Variants in CSF1R observed in about 807,000 individuals in gnomAD.
CSF1R encodes the protein colony stimulating factor 1 receptor.
In CSF1R, 40 loss-of-function variants were observed where a neutral mutation model predicts 110.0. The ratio of observed to expected loss-of-function variants is 0.36; its 90% CI spans 0.28 to 0.47. The LOEUF is 0.47. Among genes scored for constraint, CSF1R ranks in the 20% least tolerant of loss-of-function variants. CSF1R has a pLI of 0.99. For synonymous variants in CSF1R, 523 were observed against 503.4 expected (o/e 1.04, Z -0.52); for missense variants, 1,052 against 1,253.0 (o/e 0.84, Z 2.42).
chr5:150,059,634 T>C, intron 14 of CSF1R, 66 bp downstream of exon 14: 19 of 1,582,916 alleles, frequency 1.2e-5, no homozygotes, highest in Non-Finnish European at 1.6e-5. Context: ...CTGAGCTGGC[T>C]TTGAAGACAG....
At chr5:150,088,325 T>C (rs1345896000), upstream of CSF1R, among the ~76,000 whole-genome samples, 1 of 152,186 alleles carries the variant, frequency 6.6e-6, no homozygotes, top group Admixed American at 6.5e-5. Context: ...CAGGACCAGA[T>C]GGCTTCACTG....
intron 10 of CSF1R, among the ~76,000 whole-genome samples, chr5:150,063,321 C>T (rs1757616674): frequency 6.6e-6 from 1 of 151,804 alleles, no homozygotes; most frequent in East Asian, 1.9e-4. Flanking sequence ...AGTGAGAGAC[C>T]CTGAGAGTTT....
Position 150,053,876 on chromosome 5 carries a change from T to C in CSF1R, c.*193A>G. On this transcript the variant is annotated 3_prime_UTR_variant, in exon 21 of 21. Transcript: ENST00000675795. ...TCAGCCCCCAGCCCCTGACTGGCAG[T>C]GATGGCCCATGCTCAGGAAGTGGGA... The C allele has an allele frequency of 1.6e-6, 1 of 623,580 alleles. No homozygotes were observed. The highest frequency in any genetic ancestry group is 2.8e-5 in the East Asian group (1 of 36,070). The allele number at this position is 623,580 out of a possible 1,614,324, so 38.6% of individuals were successfully genotyped here.
At chr5:150,111,379 T>G (rs966698043) in intron 1 of CSF1R, among the ~76,000 whole-genome samples, 1 of 152,200 alleles carries the variant, frequency 6.6e-6, no homozygotes, top group African/African-American at 2.4e-5. Flanking sequence ...GGGGAGAGAC[T>G]GGGAGGCAGG....
At chr5:150,078,014 A>T in intron 4 of CSF1R, 98 bp downstream of exon 4, 1 of 1,520,154 alleles carries the variant, frequency 6.6e-7, no homozygotes. Context: ...TTCAGCTAAG[A>T]CAGCCAGTTT....
intron 12 of CSF1R, 104 bp downstream of exon 12, chr5:150,061,387 T>G (rs1216314594): frequency 9.7e-7 from 1 of 1,029,500 alleles, no homozygotes; most frequent in Non-Finnish European, 1.4e-6. Flanking sequence ...CCCCCAGGCT[T>G]CAACAGGTTG....
chr5:150,064,432 G>T (rs1048705295), intron 10 of CSF1R, among the ~76,000 whole-genome samples: 1 of 152,190 alleles, frequency 6.6e-6, no homozygotes, highest in Non-Finnish European at 1.5e-5. Context: ...GCTCTGATTC[G>T]GAAGGGCGGA....
In CSF1R at chr5:150,054,467, C is replaced by G. The variant is rs771494804; in HGVS notation, c.2655-37G>C. On this transcript the variant is annotated intron_variant, in intron 19 of 20. Coordinates refer to ENST00000675795, the MANE Select transcript of CSF1R (RefSeq NM_001288705.3). ...GACAGAGGATGCCCATGGGCAGCTC[C>G]CTAGGGTCCAGGGGCCATTAACACA... is the stretch of plus-strand genomic sequence containing the variant. 3 of 1,568,546 alleles carry G rather than the reference C, an allele frequency of 1.9e-6. No individual in the cohort carries two copies. The Admixed American group carries it at 5.2e-5, about 27-fold the overall frequency.
chr5:150,070,725 G>A (rs1047576764), intron 6 of CSF1R, among the ~76,000 whole-genome samples, 154 bp from the exon 7 acceptor site: 2 of 152,204 alleles, frequency 1.3e-5, no homozygotes, highest in African/African-American at 4.8e-5. Flanking sequence ...CTCAGACAGG[G>A]TGCCATTGAG....
rs536423346 is a variant in CSF1R, at chr5:150,080,876, G to A, written c.198C>T (p.Ser66=). 4 of 1,614,172 alleles carry A rather than the reference G, an allele frequency of 2.5e-6. No individual in the cohort carries two copies. Among genetic ancestry groups the A allele is most frequent in the Non-Finnish European group, 3.4e-6 (4 of 1,180,022 alleles). ...PHWTLYSDGS[S]SILSTNNATF... ...TAGCGTTGTTGGTGCTGAGGATGCT[G>A]CTGGAGCCATCAGAGTACAGGGTCC... The change falls in exon 2 of 21, where the codon AGC becomes AGT. Residue 66 remains serine (S), a synonymous_variant. Transcript: ENST00000675795.
Position 150,100,241 on chromosome 5 carries a change from A to T in CSF1R, c.-181+13020T>A, listed in dbSNP as rs1759360441. On this transcript the variant is annotated intron_variant, in intron 1 of 21. Coordinates refer to the CSF1R transcript ENST00000286301. Reference sequence around the variant, plus strand: ...TTGACAGATGATAGAACCAGTGGGGATGGGGGAGGGAAAGACAGTTTTAAG... The same window carrying T: ...TTGACAGATGATAGAACCAGTGGGGTTGGGGGAGGGAAAGACAGTTTTAAG... Among the ~76,000 whole-genome samples the T allele has an allele frequency of 4.3e-5, 6 of 140,552 alleles. No homozygotes were observed. In the South Asian group the frequency reaches 1.5e-3, roughly 35 times the overall value. 92.2% of individuals were successfully genotyped at this position (140,552 alleles called of 152,430 possible). A position where few individuals can be genotyped will look rare whatever the true frequency, so the allele number is the denominator to read the frequency against.
chr5:150,085,667 C>T (rs1239224312), intron 1 of CSF1R, among the ~76,000 whole-genome samples: 1 of 151,938 alleles, frequency 6.6e-6, no homozygotes, highest in African/African-American at 2.4e-5. Context: ...CTCCTCTAGC[C>T]CTATACCTAT....
At chr5:150,108,646 T>C (rs1293952174) in intron 1 of CSF1R, among the ~76,000 whole-genome samples, 2 of 152,162 alleles carry the variant, frequency 1.3e-5, no homozygotes, top group Non-Finnish European at 2.9e-5. Context: ...GACTTAGAAT[T>C]CTGTGATTTT....
At chr5:150,080,741 C>T (rs2113832737) in intron 2 of CSF1R, 26 bp downstream of exon 2, 6 of 1,613,664 alleles carry the variant, frequency 3.7e-6, no homozygotes, top group Non-Finnish European at 5.1e-6. Flanking sequence ...GGTCAGGCCT[C>T]TTGGGAGGAG....
At chr5:150,109,391 C>T (rs1046880192) in intron 1 of CSF1R, among the ~76,000 whole-genome samples, 11 of 152,280 alleles carry the variant, frequency 7.2e-5, no homozygotes, top group African/African-American at 2.2e-4. Context: ...GGTTTCCCGA[C>T]GGGTGGGATG....
intron 1 of CSF1R, chr5:150,094,472 T>A: frequency 6.3e-7 from 1 of 1,598,786 alleles, no homozygotes; most frequent in Non-Finnish European, 8.5e-7. Flanking sequence ...CAAAGCACTA[T>A]CACAAGGAAT....
At position 150,067,989 on chromosome 5, in the gene CSF1R, A is replaced by G. The variant is rs976407293; in HGVS notation, c.1626+226T>C. On this transcript the variant is annotated intron_variant, in intron 10 of 20. Transcript: ENST00000675795. Reference sequence around the variant, plus strand: ...CAGGTGTGCCCTTGCTTTAATGGCTATTTGATTAGCACCTGTCTCTCGCAC... The same window carrying G: ...CAGGTGTGCCCTTGCTTTAATGGCTGTTTGATTAGCACCTGTCTCTCGCAC... Among the ~76,000 whole-genome samples, 3 of 152,022 alleles carry G rather than the reference A, an allele frequency of 2.0e-5. 1 individual carries two copies. Among genetic ancestry groups the G allele is most frequent in the Non-Finnish European group, 4.4e-5 (3 of 68,000 alleles).
chr5:150,100,090 G>A (rs190138743), intron 1 of CSF1R, among the ~76,000 whole-genome samples: 8 of 152,138 alleles, frequency 5.3e-5, no homozygotes, highest in Non-Finnish European at 7.4e-5. Flanking sequence ...GGACGCACCC[G>A]TGCCAGTTAT....
At position 150,055,225 on chromosome 5, in the gene CSF1R, C is replaced by A. The variant is rs1252952936; in HGVS notation, c.2654+12G>T. On this transcript the variant is annotated intron_variant, in intron 19 of 20. Transcript: ENST00000675795. ...GGGTGTCCTTTTCCCTCCCTGGGATCCCTTCGCTTACATATTCTTTGGGGC... is the reference window on the plus strand; with the variant it reads ...GGGTGTCCTTTTCCCTCCCTGGGATACCTTCGCTTACATATTCTTTGGGGC... 7 of 1,611,766 alleles carry A rather than the reference C, an allele frequency of 4.3e-6. No individual in the cohort carries two copies. Among genetic ancestry groups the A allele is most frequent in the Admixed American group, 3.3e-5 (2 of 60,020 alleles).
Sources: allele counts gnomAD v4.1 joint callset (sites outside exome capture counted in the v4.1 genomes callset), GRCh38; gene constraint gnomAD v4.1.1; transcripts MANE v1.5; gene names NCBI Gene and HGNC (gene_info 2026-07-23, HGNC 2026-07-21).